RAPGEF1: variants seen among roughly 807,000 people sequenced by gnomAD.
The protein encoded by RAPGEF1 is Rap guanine nucleotide exchange factor 1.
Under a neutral mutation model 143.3 loss-of-function variants are expected in RAPGEF1, and 33 were observed. The observed-to-expected ratio is 0.23, with a 90% CI of 0.17 to 0.31. The LOEUF is 0.31. RAPGEF1 is among the 10% of genes least tolerant of loss of function. RAPGEF1 has a pLI of 1.00. For synonymous variants in RAPGEF1, 629 were observed against 676.5 expected, an observed-to-expected ratio of 0.93 and a Z score of 1.09; for missense variants, 1,199 against 1,645.4, an observed-to-expected ratio of 0.73 and a Z score of 4.69.
rs895019443 is a variant in RAPGEF1, at chr9:131,675,358, C to CG, written c.62-24410dup. On this transcript the variant is annotated intron_variant, in intron 1 of 26. Transcript: ENST00000683357. This position sits in a 1 kb window ranked among gnomAD's most constrained non-coding sequence, Gnocchi z 4.6. The stretch of plus-strand genomic sequence containing the variant: ...GGCGAGGCTGTGGAGGAGGGCTCTG[C>CG]GGGAGCAGGGAGCCCGGCAGCTTCC... Among the ~76,000 whole-genome samples, 3 of 152,150 alleles carry CG rather than the reference C, an allele frequency of 2.0e-5. No individual in the cohort carries two copies. The highest frequency in any genetic ancestry group is 2.0e-4 in the Admixed American group (3 of 15,280).
chr9:131,709,723 G>C, intron 1 of RAPGEF1: 1 of 1,613,330 alleles, frequency 6.2e-7, no homozygotes, highest in Non-Finnish European at 8.5e-7. Flanking sequence ...CAGCCCCAGC[G>C]TCTTTCCGGA....
intron 15 of RAPGEF1, among the ~76,000 whole-genome samples, chr9:131,599,848 T>A (rs1250170339): frequency 6.6e-6 from 1 of 152,208 alleles, no homozygotes; most frequent in Non-Finnish European, 1.5e-5. Context: ...CCAAACGTGG[T>A]GGCTCACGCC....
intron 12 of RAPGEF1, among the ~76,000 whole-genome samples, chr9:131,609,031 CTGTT>C (rs1240947984): frequency 6.6e-6 from 1 of 152,134 alleles, no homozygotes; most frequent in Non-Finnish European, 1.5e-5. Context: ...CAGAATAAGA[CTGTT>C]TGGGCTGAGG....
chr9:131,735,585 G>A (rs1403670894), intron 1 of RAPGEF1, among the ~76,000 whole-genome samples: 1 of 152,234 alleles, frequency 6.6e-6, no homozygotes, highest in Non-Finnish European at 1.5e-5. Flanking sequence ...GAGGGATGGA[G>A]TAATGAGTCA....
chr9:131,615,749 T>G (rs1958893660), intron 12 of RAPGEF1, among the ~76,000 whole-genome samples: 1 of 152,160 alleles, frequency 6.6e-6, no homozygotes, highest in Non-Finnish European at 1.5e-5. Context: ...GTTTGGAACA[T>G]CTTGACTTGC....
Position 131,650,220 on chromosome 9 carries a change from G to A in RAPGEF1, c.224C>T (p.Pro75Leu). 6.2e-7 allele frequency: 1 copy of A among 1,613,434 alleles called. No individual in the cohort carries two copies. The highest frequency in any genetic ancestry group is 8.5e-7 in the Non-Finnish European group (1 of 1,179,532). The change falls in exon 3 of 27, where the codon CCA becomes CTA. Residue 75 changes from proline (P) to leucine (L), a missense_variant. This residue lies in a region of RAPGEF1 where 613 missense variants were observed against 710.9 expected (regional missense o/e 0.86). Transcript: ENST00000683357. The surrounding 1 kb of genome is among the most constrained non-coding windows in gnomAD (Gnocchi z 4.7). ...VNKEATDRFL[P>L]EGYPLPLDLE... ...ATCCAAGGGGAGAGGGTAGCCCTCT[G>A]GTAGAAATCTGTCTGTTGCCTCCTG...
intron 1 of RAPGEF1, among the ~76,000 whole-genome samples, chr9:131,707,021 A>C (rs11243479): frequency 0.13 from 20,061 of 152,260 alleles, 2,028 homozygotes; most frequent in African/African-American, 0.27. Context: ...TTCCAATGAA[A>C]ATCTTCAGAC....
At chr9:131,649,382 G>A (rs2133418734) in intron 3 of RAPGEF1, among the ~76,000 whole-genome samples, 1 of 151,902 alleles carries the variant, frequency 6.6e-6, no homozygotes, top group Admixed American at 6.6e-5. Context: ...AATGAGTCAG[G>A]ATTAATATTT....
rs975161491 is a variant in RAPGEF1 at position 131,584,790 on chromosome 9, G to A, written c.3234-194C>T. ...GAGCTCATAACATCCTGGGACAGAG[G>A]CACAAGGAAATCTGGTGACAATAAA... On this transcript the variant is annotated intron_variant, in intron 22 of 26. Transcript: ENST00000683357. The surrounding 1 kb of genome is among the most constrained non-coding windows in gnomAD (Gnocchi z 6.8). Among the ~76,000 whole-genome samples, 1 of 152,208 alleles carries A rather than the reference G, an allele frequency of 6.6e-6. No individual in the cohort carries two copies. The highest frequency in any genetic ancestry group is 1.5e-5 in the Non-Finnish European group (1 of 68,030).
At chr9:131,726,903 C>A (rs998048023) in intron 1 of RAPGEF1, among the ~76,000 whole-genome samples, 2 of 152,182 alleles carry the variant, frequency 1.3e-5, no homozygotes, top group African/African-American at 4.8e-5. Flanking sequence ...ACTCAAGAGG[C>A]TGAAATTGAA....
Position 131,676,855 on chromosome 9 carries a change from C to T in RAPGEF1, c.62-25906G>A, listed in dbSNP as rs575375649. On this transcript the variant is annotated intron_variant, in intron 1 of 26. Transcript: ENST00000683357. ...AAGTGTGGTCCTGAACCAACAACGA[C>T]GGCAGCTTCACCAAGAGACTTCTTA... Among the ~76,000 whole-genome samples, 5 of 152,354 alleles carry T rather than the reference C, an allele frequency of 3.3e-5. No homozygotes were observed. The East Asian group carries it at 7.7e-4, about 23-fold the overall frequency.
intron 3 of RAPGEF1, among the ~76,000 whole-genome samples, chr9:131,648,118 G>C (rs1367900065): frequency 6.6e-6 from 1 of 152,140 alleles, no homozygotes; most frequent in Admixed American, 6.5e-5. Context: ...GGCTGGGTGC[G>C]GTGGCTCATG....
intron 20 of RAPGEF1, among the ~76,000 whole-genome samples, chr9:131,588,296 C>T (rs1418935387): frequency 2.0e-5 from 3 of 152,224 alleles, no homozygotes; most frequent in African/African-American, 7.2e-5. Context: ...CCCTCGTGAG[C>T]TCATGGACAG....
At chr9:131,604,809 C>T (rs1303650454) in intron 13 of RAPGEF1, 122 bp downstream of exon 13, 2 of 1,186,258 alleles carry the variant, frequency 1.7e-6, no homozygotes, top group East Asian at 1.2e-4. Context: ...CAGCCCCCAA[C>T]TGCTAGTAAA....
At chr9:131,616,325 T>A (rs1392522261) in intron 12 of RAPGEF1, among the ~76,000 whole-genome samples, 1 of 151,984 alleles carries the variant, frequency 6.6e-6, no homozygotes, top group Non-Finnish European at 1.5e-5. Context: ...TTAATTAATA[T>A]GTGTGCAGAT....
chr9:131,709,528 C>G, intron 1 of RAPGEF1: 1 of 1,187,104 alleles, frequency 8.4e-7, no homozygotes, highest in South Asian at 1.3e-5. Flanking sequence ...GAAGGTGATT[C>G]CCCAGGCACT....
intron 1 of RAPGEF1, among the ~76,000 whole-genome samples, chr9:131,718,230 A>G (rs1248404265): frequency 1.3e-5 from 2 of 152,326 alleles, no homozygotes; most frequent in East Asian, 3.9e-4. Context: ...CTGGAAGAAG[A>G]GCACAAAAGC....
Position 131,596,344 on chromosome 9 carries a change from T to C in RAPGEF1, c.2643A>G (p.Gly881=). The C allele has an allele frequency of 6.2e-7, 1 of 1,613,774 alleles. No individual in the cohort carries two copies. The highest frequency in any genetic ancestry group is 1.1e-5 in the South Asian group (1 of 91,068). The stretch of plus-strand genomic sequence containing the variant: ...CATGGACCAGTAAGATGTCCCCAGA[T>C]CCTCCGCGGACGTCCGGCCCGTCAT... ...EGDDGPDVRG[G]SGDILLVHAT... The change falls in exon 17 of 27, where the codon GGA becomes GGG. Residue 881 remains glycine, a synonymous_variant. Coordinates refer to ENST00000683357, the MANE Select transcript of RAPGEF1 (RefSeq NM_001377935.1).
chr9:131,698,001 G>A (rs1834321930), intron 1 of RAPGEF1, among the ~76,000 whole-genome samples: 1 of 152,172 alleles, frequency 6.6e-6, no homozygotes, highest in African/African-American at 2.4e-5. Flanking sequence ...ATCTGGACAG[G>A]AGAGTCAGCT....
Sources: gnomAD v4.1 joint callset for allele counts (sites outside exome capture counted in the v4.1 genomes callset) on GRCh38, gnomAD v4.1.1 for gene constraint, gnomAD v4.1.1 regional missense constraint, Gnocchi (gnomAD v3.1) non-coding constraint, MANE v1.5 for transcripts, NCBI Gene and HGNC (gene_info 2026-07-23, HGNC 2026-07-21) for gene names.